EPHA7: variants seen among roughly 807,000 people sequenced by gnomAD.
EPHA7 encodes ephrin type-A receptor 7.
In EPHA7, 25 loss-of-function variants were observed where a neutral mutation model predicts 112.6. The observed-to-expected ratio is 0.22, with a 90% CI of 0.16 to 0.31. The LOEUF (loss-of-function observed/expected upper bound fraction) is 0.31. Ranked by LOEUF, EPHA7 falls within the 10% of genes least tolerant of loss-of-function variation. EPHA7 has a pLI of 1.00. For missense variants in EPHA7, 962 were observed against 1,212.6 expected (o/e 0.79, Z 3.07); for synonymous variants, 437 against 406.5 (o/e 1.07, Z -0.90).
chr6:93,297,731 A>G (rs1273675999), intron 5 of EPHA7, among the ~76,000 whole-genome samples: 1 of 152,138 alleles, frequency 6.6e-6, no homozygotes, highest in Non-Finnish European at 1.5e-5. Flanking sequence ...GCTATTTACT[A>G]AAAACAGGAA....
At position 93,259,532 on chromosome 6, in the gene EPHA7, AGTC is replaced by A. The variant is rs1770593342; in HGVS notation, c.1799-56_1799-54del. 5.0e-6 allele frequency: 8 copies of A among 1,600,326 alleles called. No homozygotes were observed. In the South Asian group the frequency reaches 8.9e-5, roughly 18 times the overall value. ...TGATGAAGCAAAGCACTTATTGTGC[AGTC>A]AGCCCAGGAATTTCATTATGCAGAG... On this transcript the variant is annotated intron_variant, in intron 9 of 16. Transcript: ENST00000369303.
At chr6:93,274,593 A>C (rs1195986054) in intron 5 of EPHA7, among the ~76,000 whole-genome samples, 1 of 151,924 alleles carries the variant, frequency 6.6e-6, no homozygotes, top group Admixed American at 6.6e-5. Context: ...CCATATCTGT[A>C]AGTGAATATA....
intron 3 of EPHA7, among the ~76,000 whole-genome samples, chr6:93,374,188 G>T (rs1442088898): frequency 6.6e-6 from 1 of 152,084 alleles, no homozygotes; most frequent in Non-Finnish European, 1.5e-5. Flanking sequence ...GTCATTACAG[G>T]TATATTTGCT....
chr6:93,361,485 G>A (rs1021239273), intron 3 of EPHA7, among the ~76,000 whole-genome samples: 3 of 151,992 alleles, frequency 2.0e-5, no homozygotes, highest in Admixed American at 6.6e-5. Context: ...ATATCTACAC[G>A]AAATACTTAG....
intron 5 of EPHA7, among the ~76,000 whole-genome samples, chr6:93,322,744 C>T (rs1439813473): frequency 2.0e-5 from 3 of 151,538 alleles, no homozygotes; most frequent in Non-Finnish European, 4.4e-5. Context: ...ATTAAATATT[C>T]TCTTTGGATT....
intron 5 of EPHA7, among the ~76,000 whole-genome samples, chr6:93,283,079 T>TG (rs1299820446): frequency 6.6e-6 from 1 of 152,158 alleles, no homozygotes; most frequent in African/African-American, 2.4e-5. Context: ...CTGAGTCTAG[T>TG]GGGGACTTGG....
At chr6:93,388,613 C>T (rs1777749444) in intron 3 of EPHA7, among the ~76,000 whole-genome samples, 1 of 152,012 alleles carries the variant, frequency 6.6e-6, no homozygotes, top group Admixed American at 6.6e-5. Context: ...ATATTGAAAG[C>T]CTCTCTGACC....
intron 5 of EPHA7, among the ~76,000 whole-genome samples, chr6:93,337,558 A>G (rs1248851030): frequency 6.6e-6 from 1 of 152,174 alleles, no homozygotes; most frequent in Non-Finnish European, 1.5e-5. Flanking sequence ...ACTACTTTAA[A>G]AGAAACTCAC....
At chr6:93,416,416 A>G (rs1779228674) in intron 1 of EPHA7, among the ~76,000 whole-genome samples, 1 of 152,180 alleles carries the variant, frequency 6.6e-6, no homozygotes, top group African/African-American at 2.4e-5. Context: ...GAGTGAAATA[A>G]ACATTGCGAG....
chr6:93,360,164 A>C (rs1478836160), intron 3 of EPHA7, among the ~76,000 whole-genome samples: 1 of 152,186 alleles, frequency 6.6e-6, no homozygotes, highest in African/African-American at 2.4e-5. Context: ...CATAACAAAA[A>C]TATACAACCT....
In EPHA7 at chr6:93,269,521, A is replaced by T. The variant is rs1288102655; in HGVS notation, c.1589T>A (p.Leu530His). ...AGCTTCCTCTAGTGTAGCAACATCA[A>T]GTCTGGGACTGTAATTTCCATAACC... is the stretch of plus-strand genomic sequence containing the variant. Reference protein sequence around the residue: ...AAGYGNYSPRLDVATLEEATG... With the variant: ...AAGYGNYSPRHDVATLEEATG... The change falls in exon 7 of 17, where the codon CTT (leucine) becomes CAT (histidine). Residue 530 changes from leucine (L) to histidine (H), a missense_variant. Around this residue, in one of 3 missense-constraint regions of EPHA7, gnomAD observed 746 missense variants for 889.2 expected, o/e 0.84. Coordinates refer to ENST00000369303, the MANE Select transcript of EPHA7 (RefSeq NM_004440.4). 6.2e-7 allele frequency: 1 copy of T among 1,611,340 alleles called. No individual in the cohort carries two copies. Among genetic ancestry groups the T allele is most frequent in the Non-Finnish European group, 8.5e-7 (1 of 1,178,276 alleles).
intron 3 of EPHA7, among the ~76,000 whole-genome samples, chr6:93,382,396 G>A (rs1189746398): frequency 6.6e-6 from 1 of 152,152 alleles, no homozygotes; most frequent in Non-Finnish European, 1.5e-5. Context: ...ATGATGATCT[G>A]ACAGGAAAAG....
chr6:93,376,874 A>C (rs150226547), intron 3 of EPHA7, among the ~76,000 whole-genome samples: 1 of 152,118 alleles, frequency 6.6e-6, no homozygotes, highest in African/African-American at 2.4e-5. Flanking sequence ...TCGGATGTCT[A>C]TGTTTCCTGA....
At chr6:93,303,456 T>C (rs561770890) in intron 5 of EPHA7, among the ~76,000 whole-genome samples, 1 of 152,202 alleles carries the variant, frequency 6.6e-6, no homozygotes, top group African/African-American at 2.4e-5. Context: ...ATATATGCTC[T>C]GTTAATAGTA....
intron 3 of EPHA7, among the ~76,000 whole-genome samples, chr6:93,404,620 CATAT>C (rs112219676): frequency 1.1e-4 from 16 of 145,748 alleles, no homozygotes; most frequent in African/African-American, 1.5e-4. Flanking sequence ...TACATATAAT[CATAT>C]ATATATATAT....
chr6:93,316,647 G>T (rs1043067560), intron 5 of EPHA7, among the ~76,000 whole-genome samples: 6 of 152,030 alleles, frequency 3.9e-5, no homozygotes, highest in African/African-American at 1.2e-4. Flanking sequence ...AATATCAATT[G>T]TGCAAAGAAA....
chr6:93,282,496 C>A (rs1346890008), intron 5 of EPHA7, among the ~76,000 whole-genome samples: 5 of 152,256 alleles, frequency 3.3e-5, no homozygotes, highest in African/African-American at 1.2e-4. Flanking sequence ...GCAGCCCTCG[C>A]AGCCCTCACT....
chr6:93,337,145 T>C (rs1774918424), intron 5 of EPHA7, among the ~76,000 whole-genome samples: 2 of 152,134 alleles, frequency 1.3e-5, no homozygotes. Context: ...AAATCCGCAA[T>C]TCAAAGTTCC....
intron 5 of EPHA7, among the ~76,000 whole-genome samples, chr6:93,344,074 T>C (rs939945249): frequency 1.3e-5 from 2 of 151,426 alleles, no homozygotes; most frequent in African/African-American, 4.8e-5. Flanking sequence ...ATGGGACATA[T>C]AATTTAAAAT....
Sources: gnomAD v4.1 joint callset for allele counts (sites outside exome capture counted in the v4.1 genomes callset) on GRCh38, gnomAD v4.1.1 for gene constraint, gnomAD v4.1.1 regional missense constraint, MANE v1.5 for transcripts, NCBI Gene and HGNC (gene_info 2026-07-23, HGNC 2026-07-21) for gene names.